The following HMMR variants were observed in gnomAD, a reference collection of about 807,000 sequenced individuals.
The protein encoded by HMMR is hyaluronan mediated motility receptor.
A neutral mutation model predicts 101.0 loss-of-function variants in HMMR; 108 were observed. The observed-to-expected ratio is 1.07, with a 90% CI of 0.92 to 1.25. The LOEUF (loss-of-function observed/expected upper bound fraction) is 1.25, where lower values mean the gene tolerates loss of function less well. HMMR is among the 50% of genes most tolerant of loss of function. The pLI is 0.00. For synonymous variants in HMMR, 296 were observed against 276.4 expected (o/e 1.07, Z -0.70); for missense variants, 813 against 788.7 (o/e 1.03, Z -0.37).
chr5:163,475,668 A>G lies in HMMR; in HGVS notation c.1264A>G (p.Lys422Glu). The G allele has an allele frequency of 6.3e-7, 1 of 1,578,092 alleles. No individual in the cohort carries two copies. Among genetic ancestry groups the G allele is most frequent in the South Asian group, 1.1e-5 (1 of 89,266 alleles). ...EELKLLEEKL[K>E]GKEAELEKSS... ...ATTAAAACTCCTAGAAGAAAAGCTG[A>G]AAGGGTTTGTATTAATAGGATCTCA... The change falls in exon 11 of 18, where the codon AAA (lysine) becomes GAA (glutamate). Residue 422 changes from lysine (K) to glutamate (E), a missense_variant. Lys to Glu is a moderately conservative substitution (Grantham distance 56, BLOSUM62 1). Transcript: ENST00000393915.
intron 8 of HMMR, 47 bp downstream of exon 8, chr5:163,473,300 C>CA: frequency 6.8e-7 from 1 of 1,466,790 alleles, no homozygotes. Context: ...TTTTAATACT[C>CA]AGTCATTTTC....
chr5:163,469,395 A>G (rs1208278091), intron 4 of HMMR, among the ~76,000 whole-genome samples: 1 of 151,562 alleles, frequency 6.6e-6, no homozygotes, highest in Non-Finnish European at 1.5e-5. Flanking sequence ...AAAAGTGAAT[A>G]GATAGCTTAA....
chr5:163,465,150 G>A (rs1277896859), intron 3 of HMMR: 1 of 203,750 alleles, frequency 4.9e-6, no homozygotes, highest in East Asian at 1.4e-4. Context: ...TGTGGGGAAG[G>A]GTAAGTGTTT....
intron 5 of HMMR, 23 bp downstream of exon 5, chr5:163,469,852 T>C (rs1376412522): frequency 6.8e-7 from 1 of 1,469,562 alleles, no homozygotes; most frequent in African/African-American, 1.4e-5. Flanking sequence ...CATGATAATA[T>C]TTACAATTGA....
Position 163,473,191 on chromosome 5 carries a change from G to A in HMMR, c.663G>A (p.Glu221=), listed in dbSNP as rs762989678. Reference sequence around the variant, plus strand: ...ATTTTTGTTTTAGTGTTTCAATAGAGAAAGAAAAGATTGATGAAAAATCTG... The same window carrying A: ...ATTTTTGTTTTAGTGTTTCAATAGAAAAAGAAAAGATTGATGAAAAATCTG... ...AQLEGKLVSI[E]KEKIDEKSET... Residue 221 remains glutamate, a synonymous_variant, in exon 8 of 18, where the codon GAG becomes GAA. Transcript: ENST00000393915. 1 of 1,538,286 alleles carries A rather than the reference G, an allele frequency of 6.5e-7. No homozygotes were observed. The highest frequency in any genetic ancestry group is 9.0e-7 in the Non-Finnish European group (1 of 1,116,220).
At chr5:163,476,446 G>A (rs937612838) in intron 11 of HMMR, among the ~76,000 whole-genome samples, 1 of 152,066 alleles carries the variant, frequency 6.6e-6, no homozygotes, top group African/African-American at 2.4e-5. Context: ...ACATTTTTCC[G>A]GGAGCACAAA....
At chr5:163,481,942 T>G (rs1465620071) in intron 12 of HMMR, among the ~76,000 whole-genome samples, 1 of 152,054 alleles carries the variant, frequency 6.6e-6, no homozygotes, top group Non-Finnish European at 1.5e-5. Flanking sequence ...TGAGTCGGAG[T>G]TTCGCTCTTG....
intron 12 of HMMR, among the ~76,000 whole-genome samples, chr5:163,482,328 C>G (rs1759297644): frequency 6.6e-6 from 1 of 152,188 alleles, no homozygotes; most frequent in South Asian, 2.1e-4. Context: ...ACTCATTAGG[C>G]TCTAGTCTCA....
chr5:163,487,987 C>T (rs1005763107), intron 16 of HMMR, among the ~76,000 whole-genome samples: 1 of 152,014 alleles, frequency 6.6e-6, no homozygotes. Context: ...TCCCAAGTAG[C>T]TGGGACTACA....
At chr5:163,468,318 A>C (rs1758765361) in intron 4 of HMMR, among the ~76,000 whole-genome samples, 1 of 152,230 alleles carries the variant, frequency 6.6e-6, no homozygotes, top group Non-Finnish European at 1.5e-5. Flanking sequence ...TCAAGTGCTC[A>C]GTAGCCACAT....
In HMMR at chr5:163,490,530, C is replaced by T; in HGVS notation, c.2103C>T (p.Ala701=). 1 of 1,598,694 alleles carries T rather than the reference C, an allele frequency of 6.3e-7. No individual in the cohort carries two copies. The highest frequency in any genetic ancestry group is 8.5e-7 in the Non-Finnish European group (1 of 1,175,400). The part of the protein sequence containing the change: ...AFHHESKENF[A]LKTPLKEGNT... The stretch of plus-strand genomic sequence containing the variant: ...ATCATGAAAGTAAAGAAAATTTTGC[C>T]CTGAAGACCCCATTAAAAGAAGGTA... The change falls in exon 17 of 18, where the codon GCC becomes GCT. Residue 701 remains alanine, a synonymous_variant. Transcript: ENST00000393915.
At chr5:163,488,738 A>C (rs1266781554) in intron 16 of HMMR, among the ~76,000 whole-genome samples, 1 of 152,198 alleles carries the variant, frequency 6.6e-6, no homozygotes, top group African/African-American at 2.4e-5. Flanking sequence ...TATTTGCAAC[A>C]GTGCCTTAGG....
chr5:163,487,567 T>C (rs922520093), intron 16 of HMMR, among the ~76,000 whole-genome samples: 2 of 152,198 alleles, frequency 1.3e-5, no homozygotes, highest in Admixed American at 6.5e-5. Context: ...TTCTTGTGAA[T>C]ATTTTTTGGT....
chr5:163,484,056 A>C lies in HMMR; in HGVS notation c.1786-13A>C. 1 of 1,534,992 alleles carries C rather than the reference A, an allele frequency of 6.5e-7. No homozygotes were observed. Among genetic ancestry groups the C allele is most frequent in the Non-Finnish European group, 8.9e-7 (1 of 1,128,272 alleles). On this transcript the variant is annotated splice_polypyrimidine_tract_variant and intron_variant, in intron 15 of 17. Coordinates refer to ENST00000393915, the MANE Select transcript of HMMR (RefSeq NM_001142556.2). ...GTTTTAAGTCTTAACTTTATTTAAAAAATCTTTTTCAGCTACAACTAGATG... is the reference window on the plus strand; with the variant it reads ...GTTTTAAGTCTTAACTTTATTTAAACAATCTTTTTCAGCTACAACTAGATG...
At chr5:163,482,224 A>C (rs1759293305) in intron 12 of HMMR, among the ~76,000 whole-genome samples, 2 of 152,110 alleles carry the variant, frequency 1.3e-5, no homozygotes, top group African/African-American at 4.8e-5. Context: ...GCCTACTTGG[A>C]CACCTTTAAT....
In HMMR at chr5:163,474,221, A is replaced by AT; in HGVS notation, c.1053+23dup. The AT allele has an allele frequency of 1.9e-6, 3 of 1,589,248 alleles. No homozygotes were observed. The highest frequency in any genetic ancestry group is 2.6e-6 in the Non-Finnish European group (3 of 1,165,350). On this transcript the variant is annotated intron_variant, in intron 10 of 17. Coordinates refer to ENST00000393915, the MANE Select transcript of HMMR (RefSeq NM_001142556.2). ...ACAAGAGAAAGTAATTTACCACCAT[A>AT]TTTTTTTAAACTGTTCATTTTGTGT... is the stretch of plus-strand genomic sequence containing the variant.
chr5:163,479,580 C>T (rs1382745276), intron 12 of HMMR, among the ~76,000 whole-genome samples: 1 of 152,112 alleles, frequency 6.6e-6, no homozygotes, highest in Non-Finnish European at 1.5e-5. Flanking sequence ...GGAGGATCAC[C>T]TGAGCCCAGG....
intron 12 of HMMR, 138 bp downstream of exon 12, chr5:163,478,938 G>T: frequency 1.8e-6 from 1 of 566,030 alleles, no homozygotes. Context: ...AACCGTAAGT[G>T]GGCATTTAGC....
In HMMR at chr5:163,460,683, G is replaced by T; in HGVS notation, c.-10G>T. 1.9e-6 allele frequency: 3 copies of T among 1,603,328 alleles called. No individual in the cohort carries two copies. The highest frequency in any genetic ancestry group is 2.6e-6 in the Non-Finnish European group (3 of 1,174,506). Reference sequence around the variant, plus strand: ...CCAGTCACCTTCAGTTTCTGGAGCTGGCCGTCAACATGTCCTTTCCTAAGG... The same window carrying T: ...CCAGTCACCTTCAGTTTCTGGAGCTTGCCGTCAACATGTCCTTTCCTAAGG... On this transcript the variant is annotated 5_prime_UTR_variant, in exon 1 of 18. Coordinates refer to ENST00000393915, the MANE Select transcript of HMMR (RefSeq NM_001142556.2).
Sources: gnomAD v4.1 joint callset for allele counts (sites outside exome capture counted in the v4.1 genomes callset) on GRCh38, gnomAD v4.1.1 for gene constraint, MANE v1.5 for transcripts, NCBI Gene and HGNC (gene_info 2026-07-23, HGNC 2026-07-21) for gene names.